Variants in KCNIP4 observed in about 807,000 individuals in gnomAD.
KCNIP4 encodes potassium voltage-gated channel interacting protein 4, also known as Kv channel-interacting protein 4.
A neutral mutation model predicts 34.0 loss-of-function variants in KCNIP4; 12 were observed. The ratio of observed to expected loss-of-function variants is 0.35; its 90% confidence interval spans 0.23 to 0.57. KCNIP4 has a LOEUF of 0.57. Among genes scored for constraint, KCNIP4 ranks in the 20% least tolerant of loss-of-function variants. KCNIP4 has a pLI of 0.83. For synonymous variants in KCNIP4, 124 were observed against 102.2 expected (o/e 1.21, Z -1.29); for missense variants, 238 against 311.7 (o/e 0.76, Z 1.78).
At chr4:21,345,352 A>G (rs1247064344) in intron 1 of KCNIP4, among the ~76,000 whole-genome samples, 18 of 152,152 alleles carry the variant, frequency 1.2e-4, no homozygotes, top group Non-Finnish European at 2.6e-4. Context: ...TTTGTCTGCA[A>G]CTTCATGGGA....
chr4:21,946,462 A>T (rs1490839533), intron 1 of KCNIP4, among the ~76,000 whole-genome samples: 2 of 152,320 alleles, frequency 1.3e-5, no homozygotes, highest in East Asian at 3.9e-4. Flanking sequence ...TTTTAAAACA[A>T]AAATGGAAGA....
At chr4:21,665,654 G>GC (rs1419392871) in intron 1 of KCNIP4, among the ~76,000 whole-genome samples, 1 of 152,152 alleles carries the variant, frequency 6.6e-6, no homozygotes, top group African/African-American at 2.4e-5. Flanking sequence ...CACCCAGCCA[G>GC]CTGGCCTTTC....
chr4:21,361,279 G>A (rs987118250), intron 1 of KCNIP4, among the ~76,000 whole-genome samples: 3 of 151,886 alleles, frequency 2.0e-5, no homozygotes, highest in African/African-American at 7.3e-5. Context: ...ATAAAATGAT[G>A]ATAATAACAG....
chr4:20,786,153 A>G (rs1009988282), intron 3 of KCNIP4, among the ~76,000 whole-genome samples: 1 of 152,184 alleles, frequency 6.6e-6, no homozygotes, highest in Non-Finnish European at 1.5e-5. Context: ...AGCAACGTGG[A>G]TGCAGCTGGA....
intron 2 of KCNIP4, among the ~76,000 whole-genome samples, chr4:20,859,646 C>T (rs951290596): frequency 3.3e-5 from 5 of 152,004 alleles, no homozygotes; most frequent in African/African-American, 7.2e-5. Context: ...CAACAGAATG[C>T]GTTTTAAAAA....
intron 1 of KCNIP4, among the ~76,000 whole-genome samples, chr4:21,615,347 T>C (rs1192941254): frequency 6.6e-6 from 1 of 150,894 alleles, no homozygotes; most frequent in Admixed American, 6.6e-5. Context: ...GAGACCATCC[T>C]GGCTAACACG....
chr4:21,089,212 A>T (rs2109039507), intron 1 of KCNIP4, among the ~76,000 whole-genome samples: 1 of 152,182 alleles, frequency 6.6e-6, no homozygotes, highest in Non-Finnish European at 1.5e-5. Flanking sequence ...ATGGGGGTGG[A>T]CTTCCCCCTT....
intron 1 of KCNIP4, among the ~76,000 whole-genome samples, chr4:21,114,064 A>G (rs1749482734): frequency 6.6e-6 from 1 of 152,162 alleles, no homozygotes; most frequent in Non-Finnish European, 1.5e-5. Flanking sequence ...CCTGTTTCCT[A>G]TCCCTGATTC....
intron 1 of KCNIP4, among the ~76,000 whole-genome samples, chr4:21,595,022 T>C (rs1056974021): frequency 1.3e-5 from 2 of 152,138 alleles, no homozygotes; most frequent in African/African-American, 4.8e-5. Flanking sequence ...GTGCAGAATG[T>C]GCAGGTTTGT....
intron 1 of KCNIP4, among the ~76,000 whole-genome samples, chr4:21,831,489 G>T (rs535743721): frequency 6.4e-4 from 97 of 151,812 alleles, no homozygotes; most frequent in African/African-American, 2.2e-3. Context: ...TGATACCACA[G>T]AAATACAAAG....
chr4:21,101,124 C>G (rs756721495), intron 1 of KCNIP4, among the ~76,000 whole-genome samples: 1 of 152,152 alleles, frequency 6.6e-6, no homozygotes, highest in Non-Finnish European at 1.5e-5. Flanking sequence ...CATCCTCCCA[C>G]CTACTGAAGT....
intron 1 of KCNIP4, among the ~76,000 whole-genome samples, chr4:21,798,923 A>G (rs1291027613): frequency 6.6e-6 from 1 of 152,158 alleles, no homozygotes; most frequent in Non-Finnish European, 1.5e-5. Context: ...ATATATAATA[A>G]AATTCATTTC....
intron 3 of KCNIP4, among the ~76,000 whole-genome samples, chr4:20,821,886 C>T (rs1170329513): frequency 1.3e-5 from 2 of 151,912 alleles, no homozygotes; most frequent in Non-Finnish European, 2.9e-5. Flanking sequence ...ATGTATCTCT[C>T]TCTCTCTCTC....
At chr4:21,929,189 A>T (rs28415555) in intron 1 of KCNIP4, among the ~76,000 whole-genome samples, 8,178 of 152,180 alleles carry the variant, frequency 0.054, 798 homozygotes, top group African/African-American at 0.19. Context: ...AAGGATATTA[A>T]AATTAATGGG....
intron 1 of KCNIP4, among the ~76,000 whole-genome samples, chr4:21,112,310 G>A (rs1448031146): frequency 1.3e-5 from 2 of 152,030 alleles, no homozygotes; most frequent in South Asian, 2.1e-4. Flanking sequence ...TGGACTTTTG[G>A]GTCTTGATGT....
intron 1 of KCNIP4, among the ~76,000 whole-genome samples, chr4:21,551,804 T>C (rs1738607082): frequency 6.6e-6 from 1 of 152,008 alleles, no homozygotes; most frequent in South Asian, 2.1e-4. Context: ...TAAATGCCAA[T>C]GCATATTAGA....
intron 5 of KCNIP4, 21 bp from the exon 6 acceptor site, chr4:20,734,756 A>C: frequency 7.2e-7 from 1 of 1,390,842 alleles, no homozygotes; most frequent in Non-Finnish European, 1.0e-6. Context: ...ATAAAAATTC[A>C]ATTTTATATG....
chr4:21,919,842 C>T (rs879861967), intron 1 of KCNIP4, among the ~76,000 whole-genome samples: 2 of 152,180 alleles, frequency 1.3e-5, no homozygotes, highest in South Asian at 2.1e-4. Flanking sequence ...GGATAAAAAA[C>T]TCACATGCTG....
At chr4:21,805,319 T>C (rs1244885548) in intron 1 of KCNIP4, among the ~76,000 whole-genome samples, 3 of 152,056 alleles carry the variant, frequency 2.0e-5, no homozygotes, top group African/African-American at 7.2e-5. Flanking sequence ...ATAATTCCCA[T>C]GTGTTGAGGG....
Sources: allele counts gnomAD v4.1 joint callset (sites outside exome capture counted in the v4.1 genomes callset), GRCh38; gene constraint gnomAD v4.1.1; transcripts MANE v1.5; gene names NCBI Gene and HGNC (gene_info 2026-07-23, HGNC 2026-07-21).